POLR3A: variants seen among roughly 807,000 people sequenced by gnomAD.
POLR3A encodes RNA polymerase III subunit A.
In POLR3A, 112 loss-of-function variants were observed where a neutral mutation model predicts 152.8. The observed-to-expected ratio is 0.73, with a 90% confidence interval of 0.63 to 0.86. POLR3A has a LOEUF of 0.86. POLR3A is among the 40% of genes least tolerant of loss of function. POLR3A has a pLI of 0.00. For missense variants in POLR3A, 1,385 were observed against 1,743.1 expected, an observed-to-expected ratio of 0.79 and a Z score of 3.66; for synonymous variants, 615 against 652.1, an observed-to-expected ratio of 0.94 and a Z score of 0.87.
chr10:78,011,291 C>T (rs961687240), intron 11 of POLR3A, among the ~76,000 whole-genome samples: 21 of 152,216 alleles, frequency 1.4e-4, no homozygotes, highest in Middle Eastern at 3.4e-3. Flanking sequence ...TAAGACATTA[C>T]GTTCTAATAA....
At chr10:78,015,656 CT>C (rs1221377430) in intron 10 of POLR3A, among the ~76,000 whole-genome samples, 1 of 150,820 alleles carries the variant, frequency 6.6e-6, no homozygotes, top group African/African-American at 2.4e-5. Context: ...ATTTCTACTT[CT>C]TTTTTTAGAG....
At chr10:77,990,138 A>G (rs1311284248) in intron 21 of POLR3A, among the ~76,000 whole-genome samples, 1 of 152,182 alleles carries the variant, frequency 6.6e-6, no homozygotes, top group Non-Finnish European at 1.5e-5. Flanking sequence ...TGATTTCTGT[A>G]TCCCTTTGCT....
In POLR3A at chr10:77,985,342, T is replaced by C. The variant is rs762924026; in HGVS notation, c.3072-2A>G. 6.2e-7 allele frequency: 1 copy of C among 1,613,512 alleles called. No homozygotes were observed. The highest frequency in any genetic ancestry group is 8.5e-7 in the Non-Finnish European group (1 of 1,179,456). The stretch of plus-strand genomic sequence containing the variant: ...GCAGAACCTGGCTCCATCTGTGCCC[T>C]AGAAGGCAAAGGTATGGATGAGATT... On this transcript the variant is annotated splice_acceptor_variant, in intron 23 of 30. Transcript: ENST00000372371. LOFTEE classifies it high-confidence loss of function.
At chr10:78,005,637 C>T (rs1243810601) in intron 15 of POLR3A, among the ~76,000 whole-genome samples, 1 of 152,156 alleles carries the variant, frequency 6.6e-6, no homozygotes, top group Non-Finnish European at 1.5e-5. Flanking sequence ...GAAATGAGAT[C>T]ATTAGGTTCT....
intron 20 of POLR3A, 59 bp downstream of exon 20, chr10:77,993,138 C>T: frequency 3.1e-6 from 4 of 1,306,892 alleles, no homozygotes; most frequent in Non-Finnish European, 3.3e-6. Context: ...AACAGTACTT[C>T]CGTCCTAAAG....
intron 1 of POLR3A, among the ~76,000 whole-genome samples, chr10:78,028,780 G>A (rs534754923): frequency 6.6e-6 from 1 of 152,188 alleles, no homozygotes; most frequent in South Asian, 2.1e-4. Flanking sequence ...TGGGATTACA[G>A]GAGTAAGCCA....
Position 78,022,373 on chromosome 10 carries a change from A to G in POLR3A, c.657T>C (p.Asn219=). ...PLLGRAQENL[N]PLVVLNLFKR... ...TAAATAAATTCAGAACTACTAAGGG[A>G]TTCAAGTTTTCCTATGGAAACGAAG... is the stretch of plus-strand genomic sequence containing the variant. Residue 219 remains asparagine (N), a synonymous_variant, in exon 6 of 31, where the codon AAT becomes AAC. Transcript: ENST00000372371. 1 of 1,613,934 alleles carries G rather than the reference A, an allele frequency of 6.2e-7. No homozygotes were observed. Among genetic ancestry groups the G allele is most frequent in the Admixed American group, 1.7e-5 (1 of 60,028 alleles).
At chr10:78,026,981 G>A (rs898932091) in intron 1 of POLR3A, among the ~76,000 whole-genome samples, 8 of 152,180 alleles carry the variant, frequency 5.3e-5, no homozygotes, top group African/African-American at 1.9e-4. Flanking sequence ...TACAGGCTGA[G>A]GATACAGATT....
In POLR3A at chr10:77,990,483, CAG is replaced by C. The variant is rs921129248; in HGVS notation, c.2901+569_2901+570del. Among the ~76,000 whole-genome samples the C allele has an allele frequency of 1.1e-4, 17 of 152,142 alleles. 1 individual carries two copies. Among genetic ancestry groups the C allele is most frequent in the Admixed American group, 4.6e-4 (7 of 15,284 alleles). On this transcript the variant is annotated intron_variant, in intron 21 of 30. Coordinates refer to ENST00000372371, the MANE Select transcript of POLR3A (RefSeq NM_007055.4). ...AACAAAATCAGCATTTTTCTTCTAA[CAG>C]GGGAAAAAAACATTTTTCTTCTAAT...
chr10:77,986,009 A>G, intron 22 of POLR3A, 24 bp from the exon 23 acceptor site: 1 of 1,611,096 alleles, frequency 6.2e-7, no homozygotes, highest in Non-Finnish European at 8.5e-7. Context: ...AGCCAAGCAC[A>G]GAGTTAGGGC....
Position 77,982,113 on chromosome 10 carries a change from G to C in POLR3A, c.3759+41C>G, listed in dbSNP as rs11002355. On this transcript the variant is annotated intron_variant, in intron 28 of 30. Transcript: ENST00000372371. ...GAAGGCCTGCAGATGGCACAAGGAA[G>C]ACAGCCTAACCCTAAGGCGACCCCG... 8 of 1,494,548 alleles carry C rather than the reference G, an allele frequency of 5.4e-6. No individual in the cohort carries two copies. In the East Asian group the frequency reaches 2.0e-4, roughly 37 times the overall value. 92.6% of individuals were successfully genotyped at this position (1,494,548 alleles called of 1,614,324 possible).
At chr10:77,979,396 C>T (rs1394613035) in intron 30 of POLR3A, among the ~76,000 whole-genome samples, 1 of 152,196 alleles carries the variant, frequency 6.6e-6, no homozygotes, top group Non-Finnish European at 1.5e-5. Context: ...CCAGCTCTCA[C>T]CCCAAGCCTG....
At chr10:77,991,805 G>A (rs971115913) in intron 20 of POLR3A, among the ~76,000 whole-genome samples, 3 of 152,288 alleles carry the variant, frequency 2.0e-5, no homozygotes, top group South Asian at 2.1e-4. Context: ...GATTACAAGC[G>A]TGAGCCCCAG....
chr10:77,975,296 A>T lies in POLR3A; in HGVS notation c.*2182T>A, dbSNP rs1372036179. On this transcript the variant is annotated 3_prime_UTR_variant, in exon 31 of 31. Transcript: ENST00000372371. ...AAAGCCCAAGGCCTGGGCAGGGCAG[A>T]TGATCAAAGTAGGGAGAATTTTAAC... is the stretch of plus-strand genomic sequence containing the variant. 2.0e-5 allele frequency: 3 copies of T among 152,222 alleles called. No individual in the cohort carries two copies. Among genetic ancestry groups the T allele is most frequent in the Non-Finnish European group, 4.4e-5 (3 of 68,050 alleles). The allele number at this position is 152,222 out of a possible 1,614,324, so 9.4% of individuals were successfully genotyped here. A position where few individuals can be genotyped will look rare whatever the true frequency, so the allele number is the denominator to read the frequency against.
chr10:77,984,128 G>C (rs1170112980), intron 25 of POLR3A, 77 bp downstream of exon 25: 2 of 1,239,516 alleles, frequency 1.6e-6, no homozygotes, highest in East Asian at 4.6e-5. Flanking sequence ...CTGGTCAATA[G>C]ATGGCAGCTG....
chr10:77,977,903 C>T (rs1271224225), intron 30 of POLR3A, among the ~76,000 whole-genome samples: 2 of 152,162 alleles, frequency 1.3e-5, no homozygotes, highest in Non-Finnish European at 2.9e-5. Flanking sequence ...CCTCTCCCAC[C>T]TGAGCCAAAG....
intron 21 of POLR3A, among the ~76,000 whole-genome samples, chr10:77,987,041 C>T (rs1351415935): frequency 6.6e-6 from 1 of 152,170 alleles, no homozygotes; most frequent in Non-Finnish European, 1.5e-5. Context: ...CTCCTAAAGC[C>T]AGGATCAGCC....
At chr10:78,010,355 A>G in intron 12 of POLR3A, 116 bp downstream of exon 12, 1 of 914,538 alleles carries the variant, frequency 1.1e-6, no homozygotes, top group South Asian at 1.3e-5. Context: ...TAAACAAAAA[A>G]CCAAATTAAA....
At position 77,982,216 on chromosome 10, in the gene POLR3A, G is replaced by T. The variant is rs576629157; in HGVS notation, c.3697C>A (p.Arg1233=). The change falls in exon 28 of 31, where the codon CGG becomes AGG. Residue 1233 remains arginine (R), a synonymous_variant. Coordinates refer to ENST00000372371, the MANE Select transcript of POLR3A (RefSeq NM_007055.4). ...ACACCGTGTGTGGCCATGACTGCCC[G>T]CAGGTTATCACCTTCCACCAGAAGC... is the stretch of plus-strand genomic sequence containing the variant. ...YKLLVEGDNL[R]AVMATHGVKG... is the part of the protein sequence containing the mutation. The T allele has an allele frequency of 5.0e-5, 81 of 1,613,962 alleles. No homozygotes were observed. The South Asian group carries it at 8.3e-4, about 17-fold the overall frequency.
Sources: gnomAD v4.1 joint callset for allele counts (sites outside exome capture counted in the v4.1 genomes callset) on GRCh38, gnomAD v4.1.1 for gene constraint, MANE v1.5 for transcripts, NCBI Gene and HGNC (gene_info 2026-07-23, HGNC 2026-07-21) for gene names.